LURAP1L: variants seen among roughly 807,000 people sequenced by gnomAD.
LURAP1L encodes leucine rich adaptor protein 1 like.
Under a neutral mutation model 13.8 loss-of-function variants are expected in LURAP1L, and 12 were observed. The ratio of observed to expected loss-of-function variants is 0.87; its 90% CI spans 0.56 to 1.41. The LOEUF is 1.41. Among genes scored for constraint, LURAP1L ranks in the 40% most tolerant of loss-of-function variants. The probability of loss-of-function intolerance (pLI) is 0.00; values close to 1 mark genes in which losing one functional copy is unlikely to be tolerated. For synonymous variants in LURAP1L, 139 were observed against 119.2 expected, an observed-to-expected ratio of 1.17 and a Z score of -1.08; for missense variants, 375 against 292.9, an observed-to-expected ratio of 1.28 and a Z score of -2.04.
intron 1 of LURAP1L, among the ~76,000 whole-genome samples, chr9:12,812,853 C>T (rs1489451866): frequency 6.6e-6 from 1 of 152,132 alleles, no homozygotes; most frequent in Non-Finnish European, 1.5e-5. Flanking sequence ...AAATGTTCAA[C>T]TGAGTTTAGA....
rs1298371546 is a variant in LURAP1L at position 12,822,066 on chromosome 9, T to A, written c.*306T>A. 3.9e-6 allele frequency: 1 copy of A among 256,918 alleles called. No homozygotes were observed. Among genetic ancestry groups the A allele is most frequent in the African/African-American group, 2.2e-5 (1 of 44,862 alleles). The allele number at this position is 256,918 out of a possible 1,614,324, so 15.9% of individuals were successfully genotyped here. ...GTTTTTGCTTTTGTTTTCAGAGCAA[T>A]GGGTCAGGGATTACAAGAAAAACTT... On this transcript the variant is annotated 3_prime_UTR_variant, in exon 2 of 2. Transcript: ENST00000319264.
chr9:12,777,153 G>A (rs1266220133), intron 1 of LURAP1L: 5 of 703,470 alleles, frequency 7.1e-6, no homozygotes, highest in Admixed American at 6.3e-5. Context: ...TCATTCTATC[G>A]TTTAGTTATT....
intron 1 of LURAP1L, among the ~76,000 whole-genome samples, chr9:12,795,277 T>C (rs961887910): frequency 4.6e-5 from 7 of 152,068 alleles, no homozygotes; most frequent in Admixed American, 1.3e-4. Context: ...CCACTGATTA[T>C]TGTATATATC....
chr9:12,776,050 G>A lies in LURAP1L; in HGVS notation c.312+23G>A, dbSNP rs1376197129. 1.2e-5 allele frequency: 20 copies of A among 1,610,360 alleles called. 1 individual carries two copies. In the South Asian group the frequency reaches 2.0e-4, roughly 16 times the overall value. Reference sequence around the variant, plus strand: ...ATGGTGAGTGTGGTGCGCCAGCCGCGGGGGCTGGGACCTGGGCTGGGCCAA... The same window carrying A: ...ATGGTGAGTGTGGTGCGCCAGCCGCAGGGGCTGGGACCTGGGCTGGGCCAA... On this transcript the variant is annotated intron_variant, in intron 1 of 1. Coordinates refer to ENST00000319264, the MANE Select transcript of LURAP1L (RefSeq NM_203403.2).
chr9:12,804,504 G>C (rs1023088559), intron 1 of LURAP1L, among the ~76,000 whole-genome samples: 2 of 151,842 alleles, frequency 1.3e-5, no homozygotes, highest in Non-Finnish European at 2.9e-5. Flanking sequence ...CACCACTCCT[G>C]GCTAATTTTT....
At chr9:12,786,555 T>TATAC (rs1554657233) in intron 1 of LURAP1L, among the ~76,000 whole-genome samples, 1 of 109,884 alleles carries the variant, frequency 9.1e-6, no homozygotes, top group Non-Finnish European at 1.9e-5. Context: ...GACATATATA[T>TATAC]ATATATATAT....
Position 12,821,844 on chromosome 9 carries a change from A to T in LURAP1L, c.*84A>T. 1.4e-6 allele frequency: 2 copies of T among 1,478,038 alleles called. No homozygotes were observed. Among genetic ancestry groups the T allele is most frequent in the Non-Finnish European group, 1.8e-6 (2 of 1,107,840 alleles). 91.6% of individuals were successfully genotyped at this position (1,478,038 alleles called of 1,614,324 possible). On this transcript the variant is annotated 3_prime_UTR_variant, in exon 2 of 2. Transcript: ENST00000319264. ...CTGCTATATTTTTGGTGTGATTTTT[A>T]TTTTAATAAGATGACCTTTTTAAAA...
intron 1 of LURAP1L, among the ~76,000 whole-genome samples, chr9:12,781,116 C>G (rs1586874128): frequency 1.3e-5 from 2 of 152,216 alleles, no homozygotes; most frequent in South Asian, 2.1e-4. Flanking sequence ...GGATTACAGG[C>G]ATGTGCCACT....
intron 1 of LURAP1L, among the ~76,000 whole-genome samples, chr9:12,786,568 A>ATATATATATG (rs1563888376): frequency 2.0e-4 from 25 of 124,392 alleles, no homozygotes; most frequent in African/African-American, 7.0e-4. Context: ...ATATATATAT[A>ATATATATATG]TATATATATA....
In LURAP1L at chr9:12,821,766, G is replaced by A; in HGVS notation, c.*6G>A. The stretch of plus-strand genomic sequence containing the variant: ...AATACTACTGCTTTGGCTAGTGACA[G>A]TTTTTTGCATGGGACTGGTGTGCAA... On this transcript the variant is annotated 3_prime_UTR_variant, in exon 2 of 2. Coordinates refer to ENST00000319264, the MANE Select transcript of LURAP1L (RefSeq NM_203403.2). 1.2e-6 allele frequency: 2 copies of A among 1,605,532 alleles called. No homozygotes were observed. The highest frequency in any genetic ancestry group is 8.5e-7 in the Non-Finnish European group (1 of 1,173,500).
chr9:12,785,908 G>T (rs750144732), intron 1 of LURAP1L, among the ~76,000 whole-genome samples: 11 of 152,176 alleles, frequency 7.2e-5, no homozygotes, highest in Non-Finnish European at 1.3e-4. Context: ...TTCTGTGGGG[G>T]TGACAATTGC....
At chr9:12,789,096 A>AG (rs1173578707) in intron 1 of LURAP1L, among the ~76,000 whole-genome samples, 4 of 151,312 alleles carry the variant, frequency 2.6e-5, no homozygotes, top group Admixed American at 6.6e-5. Context: ...CCCCCAAAAA[A>AG]AAAAGAAAAG....
chr9:12,783,832 T>C (rs1011396178), intron 1 of LURAP1L, among the ~76,000 whole-genome samples: 6 of 151,648 alleles, frequency 4.0e-5, no homozygotes, highest in African/African-American at 1.2e-4. Context: ...CTGGGCTTTT[T>C]TTTTTTTTTT....
At chr9:12,787,330 G>GTA (rs768188295) in intron 1 of LURAP1L, among the ~76,000 whole-genome samples, 73 of 151,912 alleles carry the variant, frequency 4.8e-4, no homozygotes, top group African/African-American at 1.1e-3. Context: ...ATTTGTATAG[G>GTA]TATATATATA....
intron 1 of LURAP1L, among the ~76,000 whole-genome samples, chr9:12,781,631 G>C (rs1039045448): frequency 6.6e-6 from 1 of 152,080 alleles, no homozygotes; most frequent in Non-Finnish European, 1.5e-5. Flanking sequence ...TTGTGCGTAC[G>C]TACAACATTT....
rs144859626 is a variant in LURAP1L at position 12,775,429 on chromosome 9, A to G, written c.-287A>G. 22 of 389,498 alleles carry G rather than the reference A, an allele frequency of 5.6e-5. No homozygotes were observed. The East Asian group carries it at 8.7e-4, about 15-fold the overall frequency. 24.1% of individuals were successfully genotyped at this position (389,498 alleles called of 1,614,324 possible). A position where few individuals can be genotyped will look rare whatever the true frequency, so the allele number is the denominator to read the frequency against. The stretch of plus-strand genomic sequence containing the variant: ...TCTGTCTGCAATATCAGTGAACTCA[A>G]CTTTGCAGTGAGGTGGCCAAAAAGA... On this transcript the variant is annotated 5_prime_UTR_variant, in exon 1 of 2. Coordinates refer to ENST00000319264, the MANE Select transcript of LURAP1L (RefSeq NM_203403.2).
At chr9:12,777,498 C>A in intron 1 of LURAP1L, 4 of 984,568 alleles carry the variant, frequency 4.1e-6, no homozygotes, top group Non-Finnish European at 4.8e-6. Context: ...AAATTTTATT[C>A]CTAACCATGT....
At position 12,821,913 on chromosome 9, in the gene LURAP1L, A is replaced by C. The variant is rs118188417; in HGVS notation, c.*153A>C. 9 of 795,744 alleles carry C rather than the reference A, an allele frequency of 1.1e-5. No homozygotes were observed. In the East Asian group the frequency reaches 2.0e-4, roughly 18 times the overall value. The allele number at this position is 795,744 out of a possible 1,614,324, so 49.3% of individuals were successfully genotyped here. On this transcript the variant is annotated 3_prime_UTR_variant, in exon 2 of 2. Coordinates refer to ENST00000319264, the MANE Select transcript of LURAP1L (RefSeq NM_203403.2). ...GCTTAATGGTATTGCTGTTGCTCCT[A>C]ATACTTCTCATCTGAGCTGATTTAT...
intron 1 of LURAP1L, among the ~76,000 whole-genome samples, chr9:12,776,639 CTTGATG>C (rs1819189293): frequency 1.3e-5 from 2 of 152,076 alleles, no homozygotes; most frequent in Non-Finnish European, 2.9e-5. Context: ...CCTACTCGTC[CTTGATG>C]TACTTATGAA....
Sources: gnomAD v4.1 joint callset for allele counts (sites outside exome capture counted in the v4.1 genomes callset) on GRCh38, gnomAD v4.1.1 for gene constraint, MANE v1.5 for transcripts, NCBI Gene and HGNC (gene_info 2026-07-23, HGNC 2026-07-21) for gene names.